The following SLC8A1 variants were observed in gnomAD, a reference collection of about 807,000 sequenced individuals.
The protein encoded by SLC8A1 is solute carrier family 8 member A1.
Under a neutral mutation model 68.3 loss-of-function variants are expected in SLC8A1, and 18 were observed. That is an observed-to-expected ratio of 0.26 (90% confidence interval 0.18 to 0.39). The LOEUF (loss-of-function observed/expected upper bound fraction) is 0.39. Among genes scored for constraint, SLC8A1 ranks in the 10% least tolerant of loss-of-function variants. The probability of loss-of-function intolerance (pLI) is 1.00; values close to 1 mark genes in which losing one functional copy is unlikely to be tolerated. For missense variants in SLC8A1, 985 were observed against 1,156.7 expected, an observed-to-expected ratio of 0.85 and a Z score of 2.15; for synonymous variants, 475 against 415.5, an observed-to-expected ratio of 1.14 and a Z score of -1.74.
intron 1 of SLC8A1, among the ~76,000 whole-genome samples, chr2:40,501,636 T>G (rs1706065621): frequency 6.6e-6 from 1 of 152,102 alleles, no homozygotes; most frequent in Non-Finnish European, 1.5e-5. Context: ...CCTGGTCGGA[T>G]AGGGAAATAT....
chr2:40,230,465 C>A (rs1318818870), intron 2 of SLC8A1, among the ~76,000 whole-genome samples: 1 of 152,130 alleles, frequency 6.6e-6, no homozygotes, highest in Admixed American at 6.6e-5. Context: ...GTGAGAAATG[C>A]TGCTTAGATC....
intron 2 of SLC8A1, among the ~76,000 whole-genome samples, chr2:40,222,360 T>G (rs1188017888): frequency 6.6e-6 from 1 of 152,054 alleles, no homozygotes; most frequent in African/African-American, 2.4e-5. Flanking sequence ...CCTTATACCT[T>G]ATACAAAAAT....
chr2:40,319,000 A>G (rs530332487), intron 2 of SLC8A1, among the ~76,000 whole-genome samples: 2 of 152,204 alleles, frequency 1.3e-5, no homozygotes, highest in East Asian at 1.9e-4. Context: ...AAATACACCA[A>G]CTGGAAAGCT....
intron 1 of SLC8A1, among the ~76,000 whole-genome samples, chr2:40,467,437 A>C (rs760242105): frequency 1.1e-4 from 17 of 152,198 alleles, no homozygotes; most frequent in Non-Finnish European, 2.1e-4. Flanking sequence ...TATTCAGTAC[A>C]GATGGAGAGA....
In SLC8A1 at chr2:40,175,241, G is replaced by C. The variant is rs1479660253; in HGVS notation, c.1913-399C>G. ...TAATCTAGAAAAATGGAAAGGAAAT[G>C]CAAGAAATGAAATGCTTACCAAGCT... On this transcript the variant is annotated intron_variant, in intron 3 of 7. Coordinates refer to ENST00000406785, the Ensembl canonical transcript of SLC8A1. 2 of 1,610,884 alleles carry C rather than the reference G, an allele frequency of 1.2e-6. No individual in the cohort carries two copies. The highest frequency in any genetic ancestry group is 2.7e-5 in the African/African-American group (2 of 74,954).
At chr2:40,393,130 G>A (rs548556971) in intron 2 of SLC8A1, among the ~76,000 whole-genome samples, 17 of 152,024 alleles carry the variant, frequency 1.1e-4, no homozygotes, top group South Asian at 4.1e-4. Context: ...TTATAGCTCC[G>A]TTTTACAGAG....
chr2:40,190,547 G>A (rs751580892), intron 2 of SLC8A1: 1 of 152,056 alleles, frequency 6.6e-6, no homozygotes, highest in Non-Finnish European at 1.5e-5. Context: ...AGTAAAAACC[G>A]ATGCTGATAA....
Position 40,491,089 on chromosome 2 carries a change from T to C in SLC8A1, c.-25+21260A>G, listed in dbSNP as rs1705286284. ...TTGAAAACATTACTTGTTTCTCTCC[T>C]ACATCTACAATTTAACAGTTGTGAA... On this transcript the variant is annotated intron_variant, in intron 1 of 7. Transcript: ENST00000402441. 2.0e-5 allele frequency among the ~76,000 whole-genome samples: 3 copies of C among 152,150 alleles called. No individual in the cohort carries two copies. The South Asian group carries it at 6.2e-4, about 31-fold the overall frequency.
intron 2 of SLC8A1, among the ~76,000 whole-genome samples, chr2:40,428,085 C>G (rs1163958767): frequency 6.6e-6 from 1 of 151,988 alleles, no homozygotes; most frequent in Admixed American, 6.6e-5. Flanking sequence ...AGTTAGAGAC[C>G]TATTGTGATG....
intron 2 of SLC8A1, among the ~76,000 whole-genome samples, chr2:40,341,619 G>A (rs972799342): frequency 5.3e-5 from 8 of 152,152 alleles, no homozygotes; most frequent in African/African-American, 1.7e-4. Context: ...TTTTTGGAAA[G>A]TTTCTTAATT....
intron 2 of SLC8A1, chr2:40,177,886 A>T (rs747015515): frequency 7.2e-7 from 1 of 1,393,552 alleles, no homozygotes; most frequent in Non-Finnish European, 1.0e-6. Flanking sequence ...GGCAAAACAA[A>T]TGGTTGGAGT....
At position 40,491,365 on chromosome 2, in the gene SLC8A1, CA is replaced by C. The variant is rs566368285; in HGVS notation, c.-25+20983del. ...CTGAGACTTTGCTGAAGTTGCTTATCAGCTTAAGGAGATTTTGGGCTGAGAC... is the reference window on the plus strand; with the variant it reads ...CTGAGACTTTGCTGAAGTTGCTTATCGCTTAAGGAGATTTTGGGCTGAGAC... On this transcript the variant is annotated intron_variant, in intron 1 of 7. Transcript: ENST00000402441. Among the ~76,000 whole-genome samples, 47 of 152,188 alleles carry C rather than the reference CA, an allele frequency of 3.1e-4. 1 individual carries two copies. In the East Asian group the frequency reaches 8.7e-3, roughly 28 times the overall value.
intron 2 of SLC8A1, among the ~76,000 whole-genome samples, chr2:40,276,611 T>C (rs578240423): frequency 2.6e-5 from 4 of 152,324 alleles, no homozygotes; most frequent in African/African-American, 9.6e-5. Context: ...GCCAGCAAAG[T>C]AGATGATAGA....
At chr2:40,280,741 C>T (rs375013924) in intron 2 of SLC8A1, among the ~76,000 whole-genome samples, 3 of 152,150 alleles carry the variant, frequency 2.0e-5, no homozygotes, top group African/African-American at 7.2e-5. Context: ...TGAATCCAGA[C>T]CAAAAGTTTC....
Position 40,372,478 on chromosome 2 carries a change from T to G in SLC8A1, c.1808+55995A>C, listed in dbSNP as rs80340322. On this transcript the variant is annotated intron_variant, in intron 2 of 7. Transcript: ENST00000406785. Reference sequence around the variant, plus strand: ...CTGTCATGCTGAGGATTTTTCTTCATAGATAATACTACCATGGCAAACATC... The same window carrying G: ...CTGTCATGCTGAGGATTTTTCTTCAGAGATAATACTACCATGGCAAACATC... Among the ~76,000 whole-genome samples, 368 of 152,292 alleles carry G rather than the reference T, an allele frequency of 2.4e-3. 3 individuals carry two copies. The highest frequency in any genetic ancestry group is 8.5e-3 in the African/African-American group (353 of 41,580).
In SLC8A1 at chr2:40,229,679, T is replaced by C. The variant is rs1257324353; in HGVS notation, c.1809-51824A>G. 3.3e-5 allele frequency among the ~76,000 whole-genome samples: 5 copies of C among 150,396 alleles called. No individual in the cohort carries two copies. The East Asian group carries it at 9.6e-4, about 29-fold the overall frequency. Reference sequence around the variant, plus strand: ...CATCCTTTCCTGGAAAGGTTCATTATGATCCTCCAAACATAACCTAACAAC... The same window carrying C: ...CATCCTTTCCTGGAAAGGTTCATTACGATCCTCCAAACATAACCTAACAAC... On this transcript the variant is annotated intron_variant, in intron 2 of 7. Transcript: ENST00000406785.
At chr2:40,165,088 C>G in intron 4 of SLC8A1, 104 bp from the exon 8 acceptor site, 1 of 1,423,072 alleles carries the variant, frequency 7.0e-7, no homozygotes, top group Non-Finnish European at 9.7e-7. Flanking sequence ...CCCTAATGAC[C>G]TACTAAAGCC....
At chr2:40,462,001 C>CATTTTTTTTTTTTTTTTTTTTTTT (rs1703367272) in intron 1 of SLC8A1, among the ~76,000 whole-genome samples, 1 of 66,176 alleles carries the variant, frequency 1.5e-5, no homozygotes, top group Non-Finnish European at 2.9e-5. Context: ...TAAAATCCTC[C>CATTTTTTTTTTTTTTTTTTTTTTT]TTTTTTTTTT....
At chr2:40,187,200 C>T (rs1324149023) in intron 2 of SLC8A1, among the ~76,000 whole-genome samples, 1 of 152,186 alleles carries the variant, frequency 6.6e-6, no homozygotes, top group Admixed American at 6.5e-5. Context: ...GCAGGGAGCA[C>T]AGCTCTGCCA....
Sources: allele counts gnomAD v4.1 joint callset (sites outside exome capture counted in the v4.1 genomes callset), GRCh38; gene constraint gnomAD v4.1.1; transcripts MANE v1.5; gene names NCBI Gene and HGNC (gene_info 2026-07-23, HGNC 2026-07-21).